PPP1R2: variants seen among roughly 807,000 people sequenced by gnomAD.
PPP1R2 encodes the protein protein phosphatase inhibitor 2.
A neutral mutation model predicts 29.9 loss-of-function variants in PPP1R2; 16 were observed. That is an observed-to-expected ratio of 0.53 (90% CI 0.36 to 0.81). The LOEUF is 0.81. Among genes scored for constraint, PPP1R2 ranks in the 30% least tolerant of loss-of-function variants. PPP1R2 has a pLI of 0.00. For synonymous variants in PPP1R2, 76 were observed against 91.5 expected (o/e 0.83, Z 0.96); for missense variants, 197 against 252.7 (o/e 0.78, Z 1.49).
intron 2 of PPP1R2, chr3:195,528,867 C>CT (rs755404825): frequency 2.8e-3 from 372 of 134,246 alleles, no homozygotes; most frequent in Middle Eastern, 7.5e-3. Context: ...AAGGTATTAT[C>CT]TTTTTTTTTT....
At chr3:195,538,152 T>A (rs1006626922) in intron 1 of PPP1R2, among the ~76,000 whole-genome samples, 1 of 152,212 alleles carries the variant, frequency 6.6e-6, no homozygotes, top group African/African-American at 2.4e-5. Flanking sequence ...GTTTCAGTTT[T>A]CCCCCACCCT....
intron 5 of PPP1R2, 143 bp from the exon 6 acceptor site, chr3:195,517,085 C>T: frequency 1.5e-6 from 1 of 657,412 alleles, no homozygotes; most frequent in Non-Finnish European, 2.7e-6. Context: ...CTGATTTAGA[C>T]TGAAATTGAA....
chr3:195,517,506 C>T (rs927602863), intron 5 of PPP1R2, among the ~76,000 whole-genome samples: 1 of 152,130 alleles, frequency 6.6e-6, no homozygotes, highest in African/African-American at 2.4e-5. Flanking sequence ...GCAGGATATA[C>T]TCCTTTGCAA....
At chr3:195,524,559 A>C (rs1311253687) in intron 3 of PPP1R2, among the ~76,000 whole-genome samples, 1 of 152,136 alleles carries the variant, frequency 6.6e-6, no homozygotes, top group Non-Finnish European at 1.5e-5. Flanking sequence ...GGGAAGTGAC[A>C]CATTTCAGTA....
chr3:195,532,103 T>C (rs557966610), intron 1 of PPP1R2, among the ~76,000 whole-genome samples: 1 of 152,196 alleles, frequency 6.6e-6, no homozygotes, highest in African/African-American at 2.4e-5. Context: ...TGATCATAGT[T>C]CACTGCAGTC....
intron 1 of PPP1R2, among the ~76,000 whole-genome samples, chr3:195,538,478 C>A (rs1464265132): frequency 6.6e-6 from 1 of 151,598 alleles, no homozygotes; most frequent in East Asian, 1.9e-4. Flanking sequence ...TAAGACTTAA[C>A]AATAAAAGCA....
chr3:195,539,408 G>C (rs1178434023), intron 1 of PPP1R2, among the ~76,000 whole-genome samples: 2 of 152,126 alleles, frequency 1.3e-5, no homozygotes, highest in Admixed American at 6.5e-5. Context: ...GGTACCTGTA[G>C]AAACCACTCA....
intron 4 of PPP1R2, among the ~76,000 whole-genome samples, chr3:195,522,619 G>A (rs1267060142): frequency 6.6e-6 from 1 of 152,160 alleles, no homozygotes; most frequent in Non-Finnish European, 1.5e-5. Context: ...TATATTTTGG[G>A]AAAATAAATG....
chr3:195,523,655 T>A (rs1181196479), intron 4 of PPP1R2, 37 bp downstream of exon 4: 1 of 1,531,946 alleles, frequency 6.5e-7, no homozygotes, highest in South Asian at 1.1e-5. Flanking sequence ...CAAAAATTAC[T>A]AGCACCATGA....
chr3:195,542,883 G>T, intron 1 of PPP1R2, 21 bp downstream of exon 1: 1 of 1,589,198 alleles, frequency 6.3e-7, no homozygotes. Flanking sequence ...GGGCTCCCAG[G>T]CCGTCCCTCC....
intron 5 of PPP1R2, 96 bp downstream of exon 5, chr3:195,518,921 AT>A: frequency 1.3e-6 from 2 of 1,533,130 alleles, no homozygotes; most frequent in Non-Finnish European, 8.7e-7. Context: ...TCTCAGCAAA[AT>A]TTTCTGTTTT....
intron 1 of PPP1R2, 110 bp downstream of exon 1, chr3:195,542,794 T>C (rs1719644300): frequency 7.5e-7 from 1 of 1,334,316 alleles, no homozygotes; most frequent in Non-Finnish European, 9.9e-7. Context: ...GAGAAGAGAC[T>C]CGAGCGGCAC....
At chr3:195,539,391 G>C (rs1016981847) in intron 1 of PPP1R2, among the ~76,000 whole-genome samples, 1 of 152,174 alleles carries the variant, frequency 6.6e-6, no homozygotes, top group Admixed American at 6.5e-5. Context: ...ATTGGTATCT[G>C]ACAAATGGTA....
chr3:195,520,699 T>C (rs1418378567), intron 4 of PPP1R2, among the ~76,000 whole-genome samples: 1 of 152,160 alleles, frequency 6.6e-6, no homozygotes, highest in Non-Finnish European at 1.5e-5. Context: ...TAAATTTTAA[T>C]TTTTAGAGAT....
intron 1 of PPP1R2, among the ~76,000 whole-genome samples, chr3:195,537,221 C>T (rs1157046937): frequency 6.9e-6 from 1 of 145,818 alleles, no homozygotes; most frequent in African/African-American, 2.5e-5. Context: ...GTTTTTTTAC[C>T]TTCTTAATGA....
intron 2 of PPP1R2, among the ~76,000 whole-genome samples, chr3:195,527,031 C>T (rs989249210): frequency 2.0e-5 from 3 of 151,984 alleles, no homozygotes; most frequent in Non-Finnish European, 4.4e-5. Context: ...GATCCACCCG[C>T]CTCAGGCTCC....
Position 195,529,784 on chromosome 3 carries a change from G to C in PPP1R2, c.230+10C>G, listed in dbSNP as rs754523535. The C allele has an allele frequency of 6.5e-7, 1 of 1,541,664 alleles. No individual in the cohort carries two copies. Among genetic ancestry groups the C allele is most frequent in the Non-Finnish European group, 8.8e-7 (1 of 1,134,670 alleles). On this transcript the variant is annotated intron_variant, in intron 2 of 5. Transcript: ENST00000618156. ...AAGTCACAAGAGGAATGACGTCTAC[G>C]TAACATTACCTATGGTAAGGAGTGC...
At chr3:195,520,256 T>C (rs1227994974) in intron 4 of PPP1R2, among the ~76,000 whole-genome samples, 1 of 152,158 alleles carries the variant, frequency 6.6e-6, no homozygotes, top group Non-Finnish European at 1.5e-5. Context: ...GTGATCCGCC[T>C]GCCTTGGCCT....
chr3:195,517,544 A>G (rs1342536550), intron 5 of PPP1R2, among the ~76,000 whole-genome samples: 1 of 152,210 alleles, frequency 6.6e-6, no homozygotes, highest in Non-Finnish European at 1.5e-5. Context: ...GTGAAGAAAA[A>G]TCAGGCACTG....
Sources: allele counts gnomAD v4.1 joint callset (sites outside exome capture counted in the v4.1 genomes callset), GRCh38; gene constraint gnomAD v4.1.1; transcripts MANE v1.5; gene names NCBI Gene and HGNC (gene_info 2026-07-23, HGNC 2026-07-21).